Variants in SGCD observed in about 807,000 individuals in gnomAD.
The protein encoded by SGCD is sarcoglycan delta, also known as delta-sarcoglycan.
A neutral mutation model predicts 36.6 loss-of-function variants in SGCD; 18 were observed. That is an observed-to-expected ratio of 0.49 (90% CI 0.34 to 0.73). The LOEUF is 0.73. Among genes scored for constraint, SGCD ranks in the 30% least tolerant of loss-of-function variants. SGCD has a pLI of 0.01. For synonymous variants in SGCD, 133 were observed against 130.6 expected (o/e 1.02, Z -0.12); for missense variants, 387 against 346.7 (o/e 1.12, Z -0.92).
chr5:156,270,176 A>G (rs1230114516), intron 3 of SGCD, among the ~76,000 whole-genome samples: 1 of 152,154 alleles, frequency 6.6e-6, no homozygotes, highest in African/African-American at 2.4e-5. Flanking sequence ...TCAGATGGTC[A>G]TAGCTGTGTG....
At chr5:156,101,438 CTG>C (rs1761512476) in intron 1 of SGCD, among the ~76,000 whole-genome samples, 1 of 152,186 alleles carries the variant, frequency 6.6e-6, no homozygotes, top group Non-Finnish European at 1.5e-5. Flanking sequence ...CTAAGGAAAG[CTG>C]TGAGTCTGGT....
intron 7 of SGCD, among the ~76,000 whole-genome samples, chr5:156,693,357 A>G (rs189413435): frequency 1.3e-5 from 2 of 152,304 alleles, no homozygotes; most frequent in East Asian, 1.9e-4. Context: ...TCAGAGAGAT[A>G]GGGCACATGC....
At chr5:156,425,139 G>A (rs868032586) in intron 3 of SGCD, among the ~76,000 whole-genome samples, 1 of 151,982 alleles carries the variant, frequency 6.6e-6, no homozygotes, top group African/African-American at 2.4e-5. Context: ...CAGCAGTCAG[G>A]CCCAATACGT....
chr5:155,738,758 G>A, the SGCD span, among the ~76,000 whole-genome samples: 3 of 125,154 alleles, frequency 2.4e-5, no homozygotes, highest in Non-Finnish European at 5.0e-5. Flanking sequence ...GAGTGTAAGA[G>A]AGTGTGAGAG....
the SGCD span, among the ~76,000 whole-genome samples, chr5:155,826,711 C>T: frequency 6.6e-6 from 1 of 152,204 alleles, no homozygotes; most frequent in Non-Finnish European, 1.5e-5. Flanking sequence ...CAATTATTCA[C>T]TCGTTTAGCT....
chr5:156,725,510 G>T (rs1755730760), intron 7 of SGCD, among the ~76,000 whole-genome samples: 1 of 152,180 alleles, frequency 6.6e-6, no homozygotes, highest in Non-Finnish European at 1.5e-5. Flanking sequence ...AGCCAGCTGG[G>T]TCTGATGGGT....
the SGCD span, among the ~76,000 whole-genome samples, chr5:155,823,927 T>A: frequency 6.6e-6 from 1 of 152,154 alleles, no homozygotes; most frequent in African/African-American, 2.4e-5. Context: ...TGAGGACAGC[T>A]GGAACAGACC....
chr5:156,686,928 C>T (rs193289257), intron 7 of SGCD, among the ~76,000 whole-genome samples: 2 of 152,238 alleles, frequency 1.3e-5, no homozygotes, highest in East Asian at 1.9e-4. Context: ...GATTTATTAA[C>T]GTGTCTGATT....
chr5:156,222,089 G>A (rs1234867438), intron 3 of SGCD, among the ~76,000 whole-genome samples: 1 of 152,004 alleles, frequency 6.6e-6, no homozygotes, highest in African/African-American at 2.4e-5. Flanking sequence ...ACCAACAGAT[G>A]TTGCAAGCAG....
intron 7 of SGCD, among the ~76,000 whole-genome samples, chr5:156,700,728 G>A (rs1352102324): frequency 2.0e-5 from 3 of 152,106 alleles, no homozygotes; most frequent in African/African-American, 7.2e-5. Flanking sequence ...AAGATTGCTT[G>A]AGGCTAGGAC....
intron 3 of SGCD, among the ~76,000 whole-genome samples, chr5:156,257,575 G>A (rs1443423798): frequency 1.3e-5 from 2 of 151,640 alleles, no homozygotes; most frequent in African/African-American, 4.8e-5. Flanking sequence ...AATTAAGAAT[G>A]TCCTTGGGTC....
intron 2 of SGCD, among the ~76,000 whole-genome samples, chr5:156,118,458 G>A (rs928081740): frequency 2.6e-5 from 4 of 152,118 alleles, no homozygotes; most frequent in African/African-American, 4.8e-5. Flanking sequence ...AAGAGGTGCT[G>A]GGTGGATGCA....
At chr5:156,348,189 C>A (rs1229777578) in intron 3 of SGCD, among the ~76,000 whole-genome samples, 1 of 151,980 alleles carries the variant, frequency 6.6e-6, no homozygotes, top group African/African-American at 2.4e-5. Context: ...AGAAAAAAAT[C>A]AATGAGATGG....
At chr5:155,799,332 A>G in the SGCD span, among the ~76,000 whole-genome samples, 1 of 152,116 alleles carries the variant, frequency 6.6e-6, no homozygotes, top group Non-Finnish European at 1.5e-5. Flanking sequence ...TATGGTAGCA[A>G]AATAGAGCCA....
chr5:156,726,128 G>A (rs67059134), intron 7 of SGCD, among the ~76,000 whole-genome samples: 18,275 of 152,094 alleles, frequency 0.12, 2,115 homozygotes, highest in African/African-American at 0.31. Context: ...GAAGATGGCC[G>A]TACTGAAACA....
chr5:156,580,939 C>A (rs143892813), intron 4 of SGCD, among the ~76,000 whole-genome samples: 2 of 152,034 alleles, frequency 1.3e-5, no homozygotes, highest in Non-Finnish European at 2.9e-5. Context: ...CACTTTTTTC[C>A]GTTGCTGGTG....
At chr5:156,624,541 A>G (rs147861364) in intron 6 of SGCD, among the ~76,000 whole-genome samples, 2,692 of 152,326 alleles carry the variant, frequency 0.018, 32 homozygotes, top group Non-Finnish European at 0.03. Flanking sequence ...AGATTGCGCC[A>G]CTGCACTCCA....
In SGCD at chr5:156,546,458, A is replaced by C. The variant is rs560120776; in HGVS notation, c.294+37756A>C. ...CAAGTATTTTGAACACCAATGAACT[A>C]CTACCATGGTAGATTCTATGGAAAA... On this transcript the variant is annotated intron_variant, in intron 4 of 8. Transcript: ENST00000337851. Among the ~76,000 whole-genome samples, 287 of 152,320 alleles carry C rather than the reference A, an allele frequency of 1.9e-3. 5 individuals carry two copies. In the South Asian group the frequency reaches 0.027, roughly 14 times the overall value.
intron 3 of SGCD, among the ~76,000 whole-genome samples, chr5:156,275,669 G>A (rs1280472333): frequency 6.6e-6 from 1 of 152,152 alleles, no homozygotes; most frequent in African/African-American, 2.4e-5. Flanking sequence ...GATTAGGAGA[G>A]ACAAAATGTT....
Sources: allele counts gnomAD v4.1 joint callset (sites outside exome capture counted in the v4.1 genomes callset), GRCh38; gene constraint gnomAD v4.1.1; transcripts MANE v1.5; gene names NCBI Gene and HGNC (gene_info 2026-07-23, HGNC 2026-07-21).